The following CELF2 variants were observed in gnomAD, a reference collection of about 807,000 sequenced individuals.
The protein encoded by CELF2 is CUGBP Elav-like family member 2, also known as CUG triplet repeat RNA-binding protein 2.
CELF2 carries 8 observed loss-of-function variants against 62.6 expected under a neutral mutation model. That is an observed-to-expected ratio of 0.13 (90% CI 0.07 to 0.23). The LOEUF is 0.23. Among genes scored for constraint, CELF2 ranks in the 10% least tolerant of loss-of-function variants. CELF2 has a pLI of 1.00. For missense variants in CELF2, 333 were observed against 671.0 expected (o/e 0.50, Z 5.56); for synonymous variants, 258 against 250.0 (o/e 1.03, Z -0.30).
In CELF2 at chr10:11,196,680, G is replaced by A. The variant is rs569497813; in HGVS notation, c.272-20745G>A. Among the ~76,000 whole-genome samples, 156 of 145,406 alleles carry A rather than the reference G, an allele frequency of 1.1e-3. 1 individual carries two copies. The highest frequency in any genetic ancestry group is 3.4e-3 in the African/African-American group (132 of 39,112). ...AAACAAAACAAAACAAAACAGAACC[G>A]GGCGCAGTGGCTCACACCTGTAATC... On this transcript the variant is annotated intron_variant, in intron 2 of 12. Transcript: ENST00000633077.
intron 7 of CELF2, among the ~76,000 whole-genome samples, chr10:11,272,086 G>C (rs1287438675): frequency 2.0e-5 from 3 of 152,170 alleles, no homozygotes; most frequent in Non-Finnish European, 4.4e-5. Context: ...CCAGTGCCCA[G>C]TGGGGTCTGG....
intron 1 of CELF2, among the ~76,000 whole-genome samples, chr10:10,914,389 G>A (rs886787377): frequency 2.6e-5 from 4 of 152,202 alleles, no homozygotes; most frequent in Admixed American, 2.0e-4. Flanking sequence ...AGGAGATGAC[G>A]AGGGAATGTT....
At chr10:10,662,036 C>T in the CELF2 span, among the ~76,000 whole-genome samples, 9 of 151,856 alleles carry the variant, frequency 5.9e-5, no homozygotes, top group South Asian at 4.2e-4. Context: ...TGGAGAGTTG[C>T]GGGGGGTGGA....
chr10:11,183,035 C>T (rs2073902457), intron 2 of CELF2, among the ~76,000 whole-genome samples: 1 of 152,216 alleles, frequency 6.6e-6, no homozygotes, highest in African/African-American at 2.4e-5. Flanking sequence ...TACATCTTAA[C>T]ATATGTATAC....
chr10:10,584,315 G>A, the CELF2 span, among the ~76,000 whole-genome samples: 2 of 152,172 alleles, frequency 1.3e-5, no homozygotes. Flanking sequence ...AAGATTTACA[G>A]ACCATAAAAG....
At position 10,802,905 on chromosome 10, in the gene CELF2, T is replaced by A. The variant is rs535980724; in HGVS notation, c.53+4088T>A. ...AGCTCAACAGGTTATAAACTCTATC[T>A]ATAATGTCCCCCCAAGAACTCACTG... On this transcript the variant is annotated intron_variant, in intron 1 of 13. Transcript: ENST00000636488. 2.6e-5 allele frequency among the ~76,000 whole-genome samples: 4 copies of A among 152,326 alleles called. No homozygotes were observed. The South Asian group carries it at 8.3e-4, about 32-fold the overall frequency.
At chr10:11,206,349 C>T (rs1478402257) in intron 2 of CELF2, among the ~76,000 whole-genome samples, 1 of 152,192 alleles carries the variant, frequency 6.6e-6, no homozygotes, top group Non-Finnish European at 1.5e-5. Context: ...CACTAGCCTC[C>T]TAATTATAAT....
chr10:10,890,954 G>T (rs990485648), intron 1 of CELF2, among the ~76,000 whole-genome samples: 2 of 152,130 alleles, frequency 1.3e-5, no homozygotes, highest in South Asian at 2.1e-4. Flanking sequence ...GGTGGAGGTT[G>T]CAGTGAGCCG....
At chr10:10,481,903 C>T in the CELF2 span, among the ~76,000 whole-genome samples, 1 of 152,154 alleles carries the variant, frequency 6.6e-6, no homozygotes, top group African/African-American at 2.4e-5. Context: ...AATCAGGTCT[C>T]ATTGCATATG....
chr10:11,042,744 C>T (rs1350712712), intron 1 of CELF2, among the ~76,000 whole-genome samples: 1 of 152,140 alleles, frequency 6.6e-6, no homozygotes, highest in Non-Finnish European at 1.5e-5. Flanking sequence ...TCTGTGTTAA[C>T]TGGATTTGCC....
chr10:11,021,630 TA>T (rs1446770545), intron 1 of CELF2, among the ~76,000 whole-genome samples: 4 of 152,234 alleles, frequency 2.6e-5, no homozygotes, highest in Non-Finnish European at 5.9e-5. Flanking sequence ...ACACCGTCTC[TA>T]ATCTGCAGGG....
chr10:10,686,024 A>G, the CELF2 span, among the ~76,000 whole-genome samples: 7 of 152,158 alleles, frequency 4.6e-5, no homozygotes, highest in Non-Finnish European at 1.0e-4. Flanking sequence ...GCAGCTACGC[A>G]AACCGCACCT....
the CELF2 span, among the ~76,000 whole-genome samples, chr10:10,514,146 G>A: frequency 6.6e-6 from 1 of 152,200 alleles, no homozygotes; most frequent in Non-Finnish European, 1.5e-5. Context: ...GTTATTCCCA[G>A]ACCCTCAGGA....
At chr10:11,155,648 T>C (rs980566828) in intron 1 of CELF2, among the ~76,000 whole-genome samples, 1 of 152,238 alleles carries the variant, frequency 6.6e-6, no homozygotes, top group Admixed American at 6.5e-5. Flanking sequence ...AAAAATACAC[T>C]TGAATGTAAT....
chr10:10,742,756 C>G, the CELF2 span, among the ~76,000 whole-genome samples: 2 of 152,180 alleles, frequency 1.3e-5, no homozygotes, highest in South Asian at 4.1e-4. Flanking sequence ...GGCTAGCCAG[C>G]CTCACCTTTT....
chr10:11,041,627 G>C (rs2061868309), intron 1 of CELF2, among the ~76,000 whole-genome samples: 1 of 152,206 alleles, frequency 6.6e-6, no homozygotes, highest in South Asian at 2.1e-4. Context: ...CTCATTCGTA[G>C]TTTCTGATGA....
the CELF2 span, among the ~76,000 whole-genome samples, chr10:10,548,811 A>G: frequency 1.3e-5 from 2 of 152,220 alleles, no homozygotes; most frequent in East Asian, 1.9e-4. Flanking sequence ...AGAATATGCT[A>G]TATTTAATGA....
At chr10:10,485,536 T>C in the CELF2 span, among the ~76,000 whole-genome samples, 1 of 152,210 alleles carries the variant, frequency 6.6e-6, no homozygotes, top group African/African-American at 2.4e-5. Flanking sequence ...GGATAATTCC[T>C]CTTAAGAAAT....
intron 1 of CELF2, among the ~76,000 whole-genome samples, chr10:11,163,226 C>T (rs2066130921): frequency 6.6e-6 from 1 of 152,232 alleles, no homozygotes; most frequent in Non-Finnish European, 1.5e-5. Flanking sequence ...CATTGTGTTA[C>T]ATTATGTGCT....
Sources: allele counts gnomAD v4.1 joint callset (sites outside exome capture counted in the v4.1 genomes callset), GRCh38; gene constraint gnomAD v4.1.1; transcripts MANE v1.5; gene names NCBI Gene and HGNC (gene_info 2026-07-23, HGNC 2026-07-21).